Variants in DMXL2 observed in about 807,000 individuals in gnomAD.
DMXL2 encodes dmX-like protein 2.
In DMXL2, 103 loss-of-function variants were observed where a neutral mutation model predicts 331.1. The ratio of observed to expected loss-of-function variants is 0.31; its 90% CI spans 0.27 to 0.37. The LOEUF (loss-of-function observed/expected upper bound fraction) is 0.37, where lower values mean the gene tolerates loss of function less well. DMXL2 is among the 10% of genes least tolerant of loss of function. The pLI is 1.00. For missense variants in DMXL2, 3,171 were observed against 3,642.9 expected (o/e 0.87, Z 3.33); for synonymous variants, 1,281 against 1,252.1 (o/e 1.02, Z -0.49).
chr15:51,541,839 G>C (rs2048614685), intron 9 of DMXL2, among the ~76,000 whole-genome samples: 1 of 151,964 alleles, frequency 6.6e-6, no homozygotes, highest in African/African-American at 2.4e-5. Flanking sequence ...GTCACATAGG[G>C]GAAAAAGGGA....
chr15:51,466,047 A>G (rs1171714552), intron 30 of DMXL2, 137 bp downstream of exon 30: 2 of 769,690 alleles, frequency 2.6e-6, no homozygotes, highest in Non-Finnish European at 3.9e-6. Context: ...TCAAAGGTGT[A>G]GAATTTGTAA....
intron 1 of DMXL2, among the ~76,000 whole-genome samples, chr15:51,588,146 C>T (rs2052003485): frequency 6.9e-6 from 1 of 144,826 alleles, no homozygotes; most frequent in African/African-American, 2.5e-5. Flanking sequence ...GGTGATGACC[C>T]AATATTGTTT....
chr15:51,556,663 T>C (rs1462392308), intron 6 of DMXL2, among the ~76,000 whole-genome samples: 2 of 151,946 alleles, frequency 1.3e-5, no homozygotes, highest in Non-Finnish European at 2.9e-5. Context: ...TCCCAGCTAC[T>C]TGGGAAGCTG....
At chr15:51,528,977 A>C (rs2047845067) in intron 13 of DMXL2, among the ~76,000 whole-genome samples, 1 of 152,230 alleles carries the variant, frequency 6.6e-6, no homozygotes, top group African/African-American at 2.4e-5. Flanking sequence ...ATACGAACAT[A>C]TGGAAATTAA....
At chr15:51,453,044 G>A (rs2039292644) in intron 41 of DMXL2, among the ~76,000 whole-genome samples, 1 of 152,046 alleles carries the variant, frequency 6.6e-6, no homozygotes, top group Admixed American at 6.6e-5. Context: ...CTATGAGGAT[G>A]CAAAGGATCA....
Position 51,554,250 on chromosome 15 carries a change from A to T in DMXL2, c.568-6842T>A, listed in dbSNP as rs902012012. ...TCACCTATTATGGATTTGTTAAGTC[A>T]AAGGAATGACTGGCTTTATTAATCA... On this transcript the variant is annotated intron_variant, in intron 6 of 43. Coordinates refer to ENST00000560891, the MANE Select transcript of DMXL2 (RefSeq NM_001378457.1). Among the ~76,000 whole-genome samples, 3 of 152,190 alleles carry T rather than the reference A, an allele frequency of 2.0e-5. No homozygotes were observed. The South Asian group carries it at 6.2e-4, about 31-fold the overall frequency.
At chr15:51,601,578 A>G (rs1018870529) in intron 1 of DMXL2, among the ~76,000 whole-genome samples, 26 of 152,192 alleles carry the variant, frequency 1.7e-4, no homozygotes, top group South Asian at 2.1e-4. Context: ...TCAAACATCA[A>G]CAAATGTGTG....
At position 51,458,701 on chromosome 15, in the gene DMXL2, G is replaced by A. The variant is rs373546347; in HGVS notation, c.8076+8C>T. 4.3e-6 allele frequency: 7 copies of A among 1,613,826 alleles called. No individual in the cohort carries two copies. The African/African-American group carries it at 6.7e-5, about 15-fold the overall frequency. Reference sequence around the variant, plus strand: ...AAATACACTGTGTATAATGATGAGAGCTTTTACCTTATTAACAGAAAATGC... The same window carrying A: ...AAATACACTGTGTATAATGATGAGAACTTTTACCTTATTAACAGAAAATGC... On this transcript the variant is annotated splice_region_variant and intron_variant, in intron 35 of 43. Transcript: ENST00000560891.
At position 51,542,523 on chromosome 15, in the gene DMXL2, A is replaced by G; in HGVS notation, c.931-16T>C. ...GGTGTATTGTCTAAAATAGAAAAATAGTTGCTGAGTCCAACTCTGGAACCT... is the reference window on the plus strand; with the variant it reads ...GGTGTATTGTCTAAAATAGAAAAATGGTTGCTGAGTCCAACTCTGGAACCT... On this transcript the variant is annotated splice_polypyrimidine_tract_variant and intron_variant, in intron 8 of 43. Coordinates refer to ENST00000560891, the MANE Select transcript of DMXL2 (RefSeq NM_001378457.1). The G allele has an allele frequency of 6.3e-7, 1 of 1,595,314 alleles. No individual in the cohort carries two copies. The highest frequency in any genetic ancestry group is 2.2e-5 in the East Asian group (1 of 44,630).
At chr15:51,477,288 A>G (rs1477112410) in intron 26 of DMXL2, among the ~76,000 whole-genome samples, 1 of 152,072 alleles carries the variant, frequency 6.6e-6, no homozygotes, top group African/African-American at 2.4e-5. Context: ...TAAAAGCGGA[A>G]AGTCAAGCTG....
At chr15:51,492,223 G>A (rs547275667) in intron 19 of DMXL2, among the ~76,000 whole-genome samples, 1 of 152,234 alleles carries the variant, frequency 6.6e-6, no homozygotes, top group South Asian at 2.1e-4. Context: ...CCAGGGGAAG[G>A]AAAGTGTGGT....
Position 51,471,365 on chromosome 15 carries a change from C to T in DMXL2, c.7250G>A (p.Arg2417His), listed in dbSNP as rs754786373. 2.2e-5 allele frequency: 35 copies of T among 1,613,218 alleles called. No individual in the cohort carries two copies. The highest frequency in any genetic ancestry group is 2.9e-5 in the Non-Finnish European group (34 of 1,179,622). ...PVLSEDIDKH[R>H]RRFNMRMLVP... is the part of the protein sequence containing the mutation. ...GAGCATTCTCATGTTAAATCTCCTA[C>T]GGTGTTTATCTATGTCTTCAGAAAG... Residue 2417 changes from arginine (R) to histidine (H), a missense_variant, in exon 29 of 44, where the codon CGT (arginine) becomes CAT (histidine). By Grantham distance (29) the Arg-to-His change is conservative. This residue lies in a region of DMXL2 where 766 missense variants were observed against 940.5 expected (regional missense o/e 0.81). Transcript: ENST00000560891.
intron 2 of DMXL2, among the ~76,000 whole-genome samples, chr15:51,570,130 G>A (rs886951916): frequency 2.6e-5 from 4 of 151,998 alleles, no homozygotes; most frequent in Non-Finnish European, 4.4e-5. Flanking sequence ...CACAGCACGA[G>A]AACTTCATGA....
At chr15:51,529,478 A>C (rs896761754) in intron 13 of DMXL2, among the ~76,000 whole-genome samples, 16 of 152,164 alleles carry the variant, frequency 1.1e-4, no homozygotes, top group African/African-American at 3.4e-4. Flanking sequence ...ATGATCAACT[A>C]TATGCCAATA....
intron 1 of DMXL2, among the ~76,000 whole-genome samples, chr15:51,619,155 T>G (rs923806617): frequency 1.6e-4 from 24 of 152,318 alleles, no homozygotes; most frequent in Admixed American, 1.4e-3. Context: ...ATCTGTTGCA[T>G]AAACCCTCAA....
At chr15:51,618,556 TA>T (rs543705089) in intron 1 of DMXL2, among the ~76,000 whole-genome samples, 1,529 of 150,526 alleles carry the variant, frequency 0.01, 20 homozygotes, top group African/African-American at 0.034. Context: ...TATTTTAATT[TA>T]AAAAAAAAAT....
At chr15:51,541,992 GAAGATTTA>G (rs1209487799) in intron 9 of DMXL2, among the ~76,000 whole-genome samples, 1 of 152,140 alleles carries the variant, frequency 6.6e-6, no homozygotes, top group Admixed American at 6.6e-5. Flanking sequence ...GAAGAGTTGG[GAAGATTTA>G]AACTGTGAAG....
At chr15:51,521,252 G>A (rs1055772287) in intron 13 of DMXL2, among the ~76,000 whole-genome samples, 2 of 151,944 alleles carry the variant, frequency 1.3e-5, no homozygotes, top group Non-Finnish European at 2.9e-5. Context: ...GACTAAACTG[G>A]GACAAGTAAT....
At chr15:51,540,377 C>A (rs2048521590) in intron 9 of DMXL2, among the ~76,000 whole-genome samples, 1 of 152,062 alleles carries the variant, frequency 6.6e-6, no homozygotes, top group Admixed American at 6.5e-5. Flanking sequence ...TCCCTTTTTA[C>A]TAAAAGATAC....
Sources: gnomAD v4.1 joint callset for allele counts (sites outside exome capture counted in the v4.1 genomes callset) on GRCh38, gnomAD v4.1.1 for gene constraint, gnomAD v4.1.1 regional missense constraint, MANE v1.5 for transcripts, NCBI Gene and HGNC (gene_info 2026-07-23, HGNC 2026-07-21) for gene names.